Variants in FNDC1 observed in about 807,000 individuals in gnomAD.
FNDC1 encodes the protein fibronectin type III domain containing 1, also known as fibronectin type III domain-containing protein 1.
FNDC1 carries 96 observed loss-of-function variants against 168.0 expected under a neutral mutation model. That is an observed-to-expected ratio of 0.57 (90% confidence interval 0.48 to 0.68). The LOEUF (loss-of-function observed/expected upper bound fraction) is 0.68, where lower values mean the gene tolerates loss of function less well. Among genes scored for constraint, FNDC1 ranks in the 30% least tolerant of loss-of-function variants. The pLI, the probability that FNDC1 is intolerant of heterozygous loss-of-function variation, is 0.00. For missense variants in FNDC1, 2,587 were observed against 2,482.1 expected (o/e 1.04, Z -0.90); for synonymous variants, 1,099 against 1,025.9 (o/e 1.07, Z -1.36).
At chr6:159,173,962 G>T (rs775507577) in intron 1 of FNDC1, among the ~76,000 whole-genome samples, 3 of 152,152 alleles carry the variant, frequency 2.0e-5, no homozygotes, top group Non-Finnish European at 2.9e-5. Flanking sequence ...CAAACATTTC[G>T]GGAGAGGCTC....
In FNDC1 at chr6:159,173,706, T is replaced by G. The variant is rs534439347; in HGVS notation, c.109+4001T>G. ...ATTGCTATAACAAATTGCCACACAC[T>G]TAATGACTTGAAACAATACAAATTT... On this transcript the variant is annotated intron_variant, in intron 1 of 22. Coordinates refer to ENST00000297267, the MANE Select transcript of FNDC1 (RefSeq NM_032532.3). Among the ~76,000 whole-genome samples the G allele has an allele frequency of 8.5e-5, 13 of 152,364 alleles. No homozygotes were observed. In the South Asian group the frequency reaches 2.7e-3, roughly 32 times the overall value.
intron 12 of FNDC1, among the ~76,000 whole-genome samples, chr6:159,238,236 T>C (rs1013588000): frequency 3.6e-4 from 54 of 152,076 alleles, no homozygotes; most frequent in African/African-American, 1.3e-3. Context: ...TAGCTGGGAC[T>C]ACAAGCGCCC....
At chr6:159,226,325 C>T (rs1455214063) in intron 8 of FNDC1, 148 bp from the exon 9 acceptor site, 11 of 606,696 alleles carry the variant, frequency 1.8e-5, no homozygotes, top group Admixed American at 3.0e-5. Context: ...ACACAAAGAA[C>T]CAGTGTGGAA....
At chr6:159,252,588 G>A (rs976721205) in intron 17 of FNDC1, among the ~76,000 whole-genome samples, 1 of 152,184 alleles carries the variant, frequency 6.6e-6, no homozygotes, top group African/African-American at 2.4e-5. Flanking sequence ...AGTCTTTAGT[G>A]GAACTAAAAG....
chr6:159,251,615 G>A, intron 17 of FNDC1, 83 bp downstream of exon 17: 1 of 1,187,986 alleles, frequency 8.4e-7, no homozygotes, highest in Non-Finnish European at 1.2e-6. Flanking sequence ...GAGTGGATGG[G>A]TGCATGCATG....
chr6:159,180,482 T>A (rs1300430570), intron 1 of FNDC1, among the ~76,000 whole-genome samples: 1 of 152,176 alleles, frequency 6.6e-6, no homozygotes, highest in Non-Finnish European at 1.5e-5. Context: ...AATTTAATTT[T>A]AAGTTTAAGT....
chr6:159,179,027 C>T (rs1781827288), intron 1 of FNDC1, among the ~76,000 whole-genome samples: 1 of 152,248 alleles, frequency 6.6e-6, no homozygotes, highest in Non-Finnish European at 1.5e-5. Flanking sequence ...ATCCTTTCCA[C>T]ACCACGCCCT....
Position 159,229,858 on chromosome 6 carries a change from A to G in FNDC1, c.1224A>G (p.Ala408=), listed in dbSNP as rs374491526. 2.5e-5 allele frequency: 40 copies of G among 1,613,482 alleles called. No individual in the cohort carries two copies. The highest frequency in any genetic ancestry group is 3.2e-5 in the Non-Finnish European group (38 of 1,179,648). ...SYAPALKPFG[A]KSLTYPGDTT... ...CCCCGGCTCTCAAACCATTTGGAGC[A>G]AAGTCCCTCACCTATCCTGGAGACA... Residue 408 remains alanine, a synonymous_variant, in exon 10 of 23, where the codon GCA becomes GCG. Coordinates refer to ENST00000297267, the MANE Select transcript of FNDC1 (RefSeq NM_032532.3).
chr6:159,215,122 A>G lies in FNDC1; in HGVS notation c.638A>G (p.Asp213Gly), dbSNP rs1222582206. The G allele has an allele frequency of 1.2e-6, 2 of 1,613,822 alleles. No individual in the cohort carries two copies. The highest frequency in any genetic ancestry group is 3.3e-5 in the Admixed American group (2 of 60,016). The part of the protein sequence containing the change: ...RKMNYVPLTR[D>G]ERTHEIKKLA... ...ATGAATTATGTTCCACTGACAAGAG[A>G]TGAACGGACACACGAAATTAAAAAG... Residue 213 changes from aspartate to glycine, a missense_variant, in exon 5 of 23, where the codon GAT (aspartate) becomes GGT (glycine). Physicochemically the swap from Asp to Gly is moderately conservative, Grantham distance 94. Coordinates refer to ENST00000297267, the MANE Select transcript of FNDC1 (RefSeq NM_032532.3).
chr6:159,178,484 G>A (rs913901701), intron 1 of FNDC1, among the ~76,000 whole-genome samples: 2 of 152,176 alleles, frequency 1.3e-5, no homozygotes, highest in East Asian at 1.9e-4. Context: ...CTGTAGTGCC[G>A]CATCCCAGCC....
rs563624084 is a variant in FNDC1 at position 159,178,243 on chromosome 6, C to G, written c.109+8538C>G. Among the ~76,000 whole-genome samples, 52 of 152,338 alleles carry G rather than the reference C, an allele frequency of 3.4e-4. 1 individual carries two copies. The highest frequency in any genetic ancestry group is 5.0e-4 in the Non-Finnish European group (34 of 68,032). On this transcript the variant is annotated intron_variant, in intron 1 of 22. Transcript: ENST00000297267. ...TCCTTGTAGCCAAGGATAATGAACT[C>G]AAGACAATTGCTATCTTCCTTATTT...
intron 5 of FNDC1, among the ~76,000 whole-genome samples, chr6:159,216,054 C>T (rs778599149): frequency 2.0e-5 from 3 of 152,134 alleles, no homozygotes; most frequent in African/African-American, 4.8e-5. Flanking sequence ...CTCCGCCTCC[C>T]GGGTTCAGGC....
chr6:159,239,522 G>A lies in FNDC1; in HGVS notation c.4186G>A (p.Glu1396Lys). 1.9e-6 allele frequency: 3 copies of A among 1,586,804 alleles called. No individual in the cohort carries two copies. Among genetic ancestry groups the A allele is most frequent in the South Asian group, 2.3e-5 (2 of 88,320 alleles). The change falls in exon 14 of 23, where the codon GAA (glutamate) becomes AAA (lysine). Residue 1396 changes from glutamate to lysine, a missense_variant. By Grantham distance (56) the Glu-to-Lys change is moderately conservative. Coordinates refer to ENST00000297267, the MANE Select transcript of FNDC1 (RefSeq NM_032532.3). The stretch of plus-strand genomic sequence containing the variant: ...ATTGGTTGATTTTGTTTCAGATCTG[G>A]AAGGGACCCCCGTGGTGAGTCCTGA... Reference protein sequence around the residue: ...GGDGRTIVDLEGTPVVSPDGL... With the variant: ...GGDGRTIVDLKGTPVVSPDGL...
rs1388859969 is a variant in FNDC1, at chr6:159,234,147, G to C, written c.3635G>C (p.Gly1212Ala). 1.9e-6 allele frequency: 3 copies of C among 1,599,324 alleles called. No homozygotes were observed. The highest frequency in any genetic ancestry group is 2.6e-6 in the Non-Finnish European group (3 of 1,173,188). ...KWPSSSTPRGGKDADGSLAKE... is the reference protein window; with the variant it reads ...KWPSSSTPRGAKDADGSLAKE... ...CCCTCTTCCTCCACTCCCAGGGGCG[G>C]CAAAGACGCCGATGGGAGCCTCGCC... Residue 1212 changes from glycine to alanine, a missense_variant, in exon 11 of 23, where the codon GGC (glycine) becomes GCC (alanine). Transcript: ENST00000297267.
intron 18 of FNDC1, among the ~76,000 whole-genome samples, chr6:159,257,158 A>G (rs1334973299): frequency 2.0e-5 from 3 of 152,240 alleles, no homozygotes; most frequent in Non-Finnish European, 2.9e-5. Context: ...TGCCCTTGGC[A>G]TGAAATAGGC....
At chr6:159,197,738 C>A in intron 2 of FNDC1, 113 bp downstream of exon 2, 1 of 963,544 alleles carries the variant, frequency 1.0e-6, no homozygotes, top group Non-Finnish European at 1.5e-6. Context: ...AGGTCCCTTA[C>A]GGTTCTTTGG....
chr6:159,172,359 C>T (rs183928846), intron 1 of FNDC1, among the ~76,000 whole-genome samples: 1 of 152,292 alleles, frequency 6.6e-6, no homozygotes, highest in African/African-American at 2.4e-5. Context: ...GATGTTTTCT[C>T]AAAAATGAAC....
chr6:159,240,083 A>C (rs1783386333), intron 14 of FNDC1, 126 bp downstream of exon 14: 1 of 858,290 alleles, frequency 1.2e-6, no homozygotes, highest in East Asian at 2.9e-5. Flanking sequence ...AACCCGATGC[A>C]TTTTTGGTCC....
rs762986365 is a variant in FNDC1, at chr6:159,234,408, G to C, written c.3896G>C (p.Arg1299Pro). ...TCCACCACCCCGATGCTGTCCTTGC[G>C]CCAGAGGATGATGCATGCCAGATTC... Reference protein sequence around the residue: ...HFSTTPMLSLRQRMMHARFRN... With the variant: ...HFSTTPMLSLPQRMMHARFRN... Residue 1299 changes from arginine to proline, a missense_variant, in exon 11 of 23, where the codon CGC becomes CCC. Physicochemically the swap from Arg to Pro is moderately radical, Grantham distance 103. Coordinates refer to ENST00000297267, the MANE Select transcript of FNDC1 (RefSeq NM_032532.3). The C allele has an allele frequency of 3.7e-6, 6 of 1,613,510 alleles. No homozygotes were observed. The highest frequency in any genetic ancestry group is 5.1e-6 in the Non-Finnish European group (6 of 1,179,872).
Sources: gnomAD v4.1 joint callset for allele counts (sites outside exome capture counted in the v4.1 genomes callset) on GRCh38, gnomAD v4.1.1 for gene constraint, MANE v1.5 for transcripts, NCBI Gene and HGNC (gene_info 2026-07-23, HGNC 2026-07-21) for gene names.